MYO9A: variants seen among roughly 807,000 people sequenced by gnomAD.
MYO9A encodes myosin IXA, also known as unconventional myosin-IXa.
In MYO9A, 103 loss-of-function variants were observed where a neutral mutation model predicts 293.3. That is an observed-to-expected ratio of 0.35 (90% CI 0.30 to 0.41). The LOEUF (loss-of-function observed/expected upper bound fraction) is 0.41. Ranked by LOEUF, MYO9A falls within the 10% of genes least tolerant of loss-of-function variation. MYO9A has a pLI of 1.00. For synonymous variants in MYO9A, 1,001 were observed against 1,035.7 expected (o/e 0.97, Z 0.64); for missense variants, 2,685 against 3,033.0 (o/e 0.89, Z 2.69).
chr15:72,010,316 A>G (rs1339019322), intron 7 of MYO9A, 34 bp downstream of exon 7: 3 of 1,555,286 alleles, frequency 1.9e-6, no homozygotes, highest in South Asian at 1.1e-5. Context: ...TGTGTTCTCT[A>G]TTAGAGATAT....
intron 1 of MYO9A, among the ~76,000 whole-genome samples, chr15:72,114,086 C>G (rs181719958): frequency 6.6e-6 from 1 of 152,204 alleles, no homozygotes; most frequent in Non-Finnish European, 1.5e-5. Context: ...TTATTAGGTT[C>G]TTGTTCTTCT....
intron 1 of MYO9A, among the ~76,000 whole-genome samples, chr15:72,059,331 G>A (rs1321774815): frequency 6.6e-6 from 1 of 152,200 alleles, no homozygotes; most frequent in African/African-American, 2.4e-5. Context: ...TCTTCAGGAT[G>A]GCACAAAACA....
At chr15:71,994,889 C>T (rs1033273729) in intron 9 of MYO9A, among the ~76,000 whole-genome samples, 4 of 152,186 alleles carry the variant, frequency 2.6e-5, no homozygotes, top group Non-Finnish European at 5.9e-5. Context: ...TGCACCACCA[C>T]GCCTGGCTAA....
rs377073288 is a variant in MYO9A at position 72,109,941 on chromosome 15, G to A, written c.-72+7739C>T. ...ATAAGGCAAAAAAAATCTAAAAATC[G>A]TTTATAAACATGTCCACACAGTCAC... is the stretch of plus-strand genomic sequence containing the variant. On this transcript the variant is annotated intron_variant, in intron 1 of 41. Transcript: ENST00000356056. 7.4e-5 allele frequency among the ~76,000 whole-genome samples: 11 copies of A among 148,012 alleles called. No homozygotes were observed. The South Asian group carries it at 1.3e-3, about 17-fold the overall frequency.
At position 72,008,474 on chromosome 15, in the gene MYO9A, T is replaced by TGTGA. The variant is rs1555403671; in HGVS notation, c.1254-523_1254-522insTCAC. Among the ~76,000 whole-genome samples the TGTGA allele has an allele frequency of 1.1e-3, 152 of 144,628 alleles. 1 individual carries two copies. In the East Asian group the frequency reaches 0.018, roughly 17 times the overall value. The allele number at this position is 144,628 out of a possible 152,430, so 94.9% of individuals were successfully genotyped here. ...GTGTGTGTGTGTGTGTGTGTGTGTG[T>TGTGA]GAATGGGGTAAATGGGTGTGTGTGT... On this transcript the variant is annotated intron_variant, in intron 7 of 41. Transcript: ENST00000356056.
At chr15:71,848,054 C>T (rs918213246) in intron 39 of MYO9A, among the ~76,000 whole-genome samples, 2 of 152,018 alleles carry the variant, frequency 1.3e-5, no homozygotes, top group African/African-American at 4.8e-5. Flanking sequence ...ATCTGAAATG[C>T]GTGCTCATTG....
chr15:71,933,590 G>T, intron 18 of MYO9A, 80 bp downstream of exon 18: 1 of 1,261,522 alleles, frequency 7.9e-7, no homozygotes, highest in South Asian at 1.3e-5. Flanking sequence ...CTTGTTTTTT[G>T]ATGTATGAAG....
intron 13 of MYO9A, among the ~76,000 whole-genome samples, chr15:71,962,933 T>A (rs1188748862): frequency 3.9e-5 from 6 of 152,200 alleles, no homozygotes; most frequent in African/African-American, 1.2e-4. Context: ...ACTGACCATA[T>A]CATTCTTCTT....
At chr15:72,031,003 C>G (rs1266562474) in intron 3 of MYO9A, among the ~76,000 whole-genome samples, 17 of 152,134 alleles carry the variant, frequency 1.1e-4, no homozygotes, top group Admixed American at 1.1e-3. Flanking sequence ...CCTGTCAGAT[C>G]AGCGGCGGCA....
At chr15:71,995,804 G>C (rs1015713742) in intron 9 of MYO9A, among the ~76,000 whole-genome samples, 1 of 151,906 alleles carries the variant, frequency 6.6e-6, no homozygotes, top group Admixed American at 6.6e-5. Flanking sequence ...TCATGACTAA[G>C]TTACTTAACC....
chr15:72,038,746 G>C (rs1391627676), intron 2 of MYO9A, among the ~76,000 whole-genome samples: 1 of 152,194 alleles, frequency 6.6e-6, no homozygotes, highest in East Asian at 1.9e-4. Flanking sequence ...CAATCAACCA[G>C]ATCAGCCCAA....
intron 2 of MYO9A, chr15:72,040,233 G>C (rs1264841125): frequency 1.3e-5 from 2 of 152,370 alleles, no homozygotes; most frequent in Non-Finnish European, 2.9e-5. Context: ...GTCAGCAGGA[G>C]GCAGTTAAAA....
chr15:71,925,224 CATATATACACATATATATACAT>C (rs2058268015), intron 18 of MYO9A, among the ~76,000 whole-genome samples: 2 of 67,786 alleles, frequency 3.0e-5, no homozygotes, highest in African/African-American at 1.1e-4. Context: ...TATATATACA[CATATATACACATATATATACAT>C]ATACGTATAC....
Position 71,966,568 on chromosome 15 carries a change from C to T in MYO9A, c.1986+1416G>A, listed in dbSNP as rs537744304. ...ATCTTAGGAAATGGTACCTCCAAAG[C>T]ACCCATCAGCTCTAGCCAGAGGTCA... On this transcript the variant is annotated intron_variant, in intron 13 of 41. Coordinates refer to ENST00000356056, the MANE Select transcript of MYO9A (RefSeq NM_006901.4). Among the ~76,000 whole-genome samples, 31 of 152,194 alleles carry T rather than the reference C, an allele frequency of 2.0e-4. No individual in the cohort carries two copies. The East Asian group carries it at 6.0e-3, about 29-fold the overall frequency.
chr15:72,035,557 A>G (rs2078019495), intron 2 of MYO9A, among the ~76,000 whole-genome samples: 1 of 152,152 alleles, frequency 6.6e-6, no homozygotes, highest in Admixed American at 6.6e-5. Context: ...AATCCCAGCA[A>G]TTTGGGAGGC....
At chr15:72,091,859 T>C (rs2079923945) in intron 1 of MYO9A, among the ~76,000 whole-genome samples, 1 of 151,608 alleles carries the variant, frequency 6.6e-6, no homozygotes, top group Non-Finnish European at 1.5e-5. Flanking sequence ...GGACTACAGG[T>C]GCCCGCCACC....
chr15:71,948,887 T>G (rs569100444), intron 15 of MYO9A, among the ~76,000 whole-genome samples: 3 of 150,982 alleles, frequency 2.0e-5, no homozygotes, highest in Non-Finnish European at 3.0e-5. Flanking sequence ...TAATTTTTCT[T>G]CTGTCAGTTA....
At chr15:72,050,476 G>A (rs1227673929) in intron 1 of MYO9A, among the ~76,000 whole-genome samples, 1 of 151,916 alleles carries the variant, frequency 6.6e-6, no homozygotes, top group East Asian at 1.9e-4. Context: ...GCATGGTGGT[G>A]GGCACCTGCA....
At chr15:71,899,365 T>A in intron 24 of MYO9A, among the ~76,000 whole-genome samples, 1 of 152,126 alleles carries the variant, frequency 6.6e-6, no homozygotes, top group Admixed American at 6.5e-5. Context: ...AAATTTTAAT[T>A]TAAGTGTGAA....
Sources: gnomAD v4.1 joint callset for allele counts (sites outside exome capture counted in the v4.1 genomes callset) on GRCh38, gnomAD v4.1.1 for gene constraint, MANE v1.5 for transcripts, NCBI Gene and HGNC (gene_info 2026-07-23, HGNC 2026-07-21) for gene names.